The following NOL4 variants were observed in gnomAD, a reference collection of about 807,000 sequenced individuals.
The protein encoded by NOL4 is cancer/testis antigen 125.
In NOL4, 17 loss-of-function variants were observed where a neutral mutation model predicts 75.9. That is an observed-to-expected ratio of 0.22 (90% confidence interval 0.15 to 0.34). The LOEUF (loss-of-function observed/expected upper bound fraction) is 0.34. NOL4 is among the 10% of genes least tolerant of loss of function. The pLI, the probability that NOL4 is intolerant of heterozygous loss-of-function variation, is 1.00. For synonymous variants in NOL4, 292 were observed against 289.9 expected (o/e 1.01, Z -0.07); for missense variants, 614 against 793.5 (o/e 0.77, Z 2.72).
intron 5 of NOL4, among the ~76,000 whole-genome samples, chr18:34,058,291 G>A (rs1036786828): frequency 4.6e-5 from 7 of 152,028 alleles, no homozygotes; most frequent in East Asian, 3.9e-4. Flanking sequence ...CCGCCACCAC[G>A]CCCGGCTAAT....
At chr18:34,132,369 G>C (rs1032132293) in intron 1 of NOL4, among the ~76,000 whole-genome samples, 4 of 152,200 alleles carry the variant, frequency 2.6e-5, no homozygotes, top group Non-Finnish European at 5.9e-5. Flanking sequence ...TTAGAGCACA[G>C]GAGATACAAA....
At chr18:33,980,273 G>C (rs2071845536) in intron 6 of NOL4, among the ~76,000 whole-genome samples, 1 of 151,978 alleles carries the variant, frequency 6.6e-6, no homozygotes, top group African/African-American at 2.4e-5. Flanking sequence ...CAGTGTGATG[G>C]ACAAGCCTGA....
intron 1 of NOL4, among the ~76,000 whole-genome samples, chr18:34,216,720 T>C (rs2036916465): frequency 6.6e-6 from 1 of 151,212 alleles, no homozygotes; most frequent in African/African-American, 2.4e-5. Context: ...AAAATATGCT[T>C]CTCATTTATC....
chr18:33,917,586 C>T (rs1474314977), intron 9 of NOL4, among the ~76,000 whole-genome samples: 1 of 152,052 alleles, frequency 6.6e-6, no homozygotes, highest in Non-Finnish European at 1.5e-5. Flanking sequence ...AGCTCGAATT[C>T]CTGGGCTTAC....
At chr18:34,210,889 T>C (rs1201412991) in intron 1 of NOL4, among the ~76,000 whole-genome samples, 1 of 152,226 alleles carries the variant, frequency 6.6e-6, no homozygotes, top group East Asian at 1.9e-4. Flanking sequence ...TATAGTGGAA[T>C]AGATATATAA....
At position 34,174,693 on chromosome 18, in the gene NOL4, A is replaced by C. The variant is rs576968126; in HGVS notation, c.265-44673T>G. ...CCCTCTGCTAGCCCCCCACCTCCCG[A>C]CAGGCCCCGGTGTGTGATGTTCCCC... On this transcript the variant is annotated intron_variant, in intron 1 of 10. Coordinates refer to ENST00000261592, the MANE Select transcript of NOL4 (RefSeq NM_003787.5). 1.1e-3 allele frequency among the ~76,000 whole-genome samples: 163 copies of C among 151,980 alleles called. No homozygotes were observed. In the Middle Eastern group the frequency reaches 0.024, roughly 22 times the overall value.
chr18:33,856,867 C>A (rs975219665), intron 10 of NOL4, among the ~76,000 whole-genome samples: 8 of 152,010 alleles, frequency 5.3e-5, no homozygotes, highest in Non-Finnish European at 1.0e-4. Flanking sequence ...TAAAGGTCTA[C>A]TACTGAGGAG....
At chr18:34,037,971 G>A (rs146002858) in intron 5 of NOL4, among the ~76,000 whole-genome samples, 8 of 152,046 alleles carry the variant, frequency 5.3e-5, no homozygotes, top group Non-Finnish European at 1.2e-4. Flanking sequence ...TTGAATAGGA[G>A]AGAATATGTG....
intron 1 of NOL4, among the ~76,000 whole-genome samples, chr18:34,160,450 T>C (rs7240266): frequency 0.016 from 2,452 of 152,256 alleles, 69 homozygotes; most frequent in African/African-American, 0.057. Context: ...ATATACTTGA[T>C]TTTCCAGAGA....
At chr18:33,977,287 C>A (rs2071567572) in intron 6 of NOL4, among the ~76,000 whole-genome samples, 1 of 152,110 alleles carries the variant, frequency 6.6e-6, no homozygotes, top group East Asian at 1.9e-4. Flanking sequence ...CCACCCAAAT[C>A]TCATCTTGAA....
At chr18:34,026,004 G>A (rs2075321692) in intron 5 of NOL4, among the ~76,000 whole-genome samples, 1 of 152,172 alleles carries the variant, frequency 6.6e-6, no homozygotes, top group Admixed American at 6.5e-5. Flanking sequence ...CCAATATTCT[G>A]AGACAGCAAG....
intron 4 of NOL4, among the ~76,000 whole-genome samples, chr18:34,101,040 G>A (rs1350585399): frequency 6.6e-6 from 1 of 151,988 alleles, no homozygotes; most frequent in Non-Finnish European, 1.5e-5. Flanking sequence ...GCTTCACATC[G>A]AATCTGTCAG....
intron 8 of NOL4, among the ~76,000 whole-genome samples, chr18:33,944,040 T>A (rs967664226): frequency 6.6e-6 from 1 of 151,884 alleles, no homozygotes; most frequent in African/African-American, 2.4e-5. Flanking sequence ...GAAGTTTTTT[T>A]TAAATTAAGA....
chr18:33,968,950 T>C (rs2070825255), intron 6 of NOL4, among the ~76,000 whole-genome samples: 3 of 152,234 alleles, frequency 2.0e-5, no homozygotes, highest in African/African-American at 4.8e-5. Context: ...TTCTGTCTAA[T>C]GAAAATGTCT....
chr18:33,889,410 G>A (rs916725433), intron 9 of NOL4, among the ~76,000 whole-genome samples: 2 of 152,012 alleles, frequency 1.3e-5, no homozygotes, highest in Admixed American at 6.6e-5. Flanking sequence ...TCCTGGACCA[G>A]ACAGATTCCA....
intron 9 of NOL4, among the ~76,000 whole-genome samples, chr18:33,892,469 T>G (rs983106562): frequency 5.3e-5 from 8 of 151,916 alleles, no homozygotes; most frequent in Admixed American, 1.3e-4. Flanking sequence ...ATAAATGAAA[T>G]AATCATCATT....
intron 1 of NOL4, among the ~76,000 whole-genome samples, chr18:34,151,237 A>C (rs1457169603): frequency 6.6e-6 from 1 of 151,852 alleles, no homozygotes; most frequent in Non-Finnish European, 1.5e-5. Flanking sequence ...TTGAAAACTT[A>C]AGTCTACAAG....
intron 1 of NOL4, among the ~76,000 whole-genome samples, chr18:34,164,949 G>T (rs2032115313): frequency 1.3e-5 from 2 of 152,002 alleles, no homozygotes; most frequent in South Asian, 4.1e-4. Context: ...TAGGGACATG[G>T]ATGAAACTGG....
At chr18:34,018,122 T>G (rs2074814123) in intron 6 of NOL4, among the ~76,000 whole-genome samples, 1 of 152,174 alleles carries the variant, frequency 6.6e-6, no homozygotes, top group Admixed American at 6.6e-5. Flanking sequence ...CATTTCACGA[T>G]TATTTAAACT....
Sources: gnomAD v4.1 joint callset for allele counts (sites outside exome capture counted in the v4.1 genomes callset) on GRCh38, gnomAD v4.1.1 for gene constraint, MANE v1.5 for transcripts, NCBI Gene and HGNC (gene_info 2026-07-23, HGNC 2026-07-21) for gene names.